PDCL3: variants seen among roughly 807,000 people sequenced by gnomAD.
PDCL3 encodes the protein phosducin-like protein 3.
PDCL3 carries 22 observed loss-of-function variants against 26.5 expected under a neutral mutation model. That is an observed-to-expected ratio of 0.83 (90% CI 0.59 to 1.19). The LOEUF is 1.19. Among genes scored for constraint, PDCL3 ranks in the 50% most tolerant of loss-of-function variants. The pLI, the probability that PDCL3 is intolerant of heterozygous loss-of-function variation, is 0.00. For synonymous variants in PDCL3, 81 were observed against 104.9 expected (o/e 0.77, Z 1.39); for missense variants, 246 against 294.1 (o/e 0.84, Z 1.20).
intron 1 of PDCL3, 94 bp downstream of exon 1, chr2:100,563,167 C>G: frequency 6.8e-7 from 1 of 1,468,152 alleles, no homozygotes; most frequent in African/African-American, 1.5e-5. Context: ...CTGGGGGAAG[C>G]TCCGGCGCCG....
rs527537007 is a variant in PDCL3, at chr2:100,571,050, C to T, written c.369-540C>T. ...ATCCCAGCACTTTGGGAAGCCATTG[C>T]GGCCGGATCTCGAGCTCAAGAGTTC... On this transcript the variant is annotated intron_variant, in intron 4 of 5. Coordinates refer to ENST00000264254, the MANE Select transcript of PDCL3 (RefSeq NM_024065.5). 1.3e-4 allele frequency among the ~76,000 whole-genome samples: 18 copies of T among 143,982 alleles called. No homozygotes were observed. The South Asian group carries it at 3.1e-3, about 25-fold the overall frequency. The allele number at this position is 143,982 out of a possible 152,430, so 94.5% of individuals were successfully genotyped here. A position where few individuals can be genotyped will look rare whatever the true frequency, so the allele number is the denominator to read the frequency against.
At chr2:100,566,827 G>A (rs1675070449) in intron 2 of PDCL3, among the ~76,000 whole-genome samples, 198 bp downstream of exon 2, 1 of 152,192 alleles carries the variant, frequency 6.6e-6, no homozygotes, top group Non-Finnish European at 1.5e-5. Context: ...TGTCCCACAA[G>A]TCCTTGTCCA....
chr2:100,564,460 G>C (rs1280507874), intron 1 of PDCL3, among the ~76,000 whole-genome samples: 3 of 151,934 alleles, frequency 2.0e-5, no homozygotes, highest in African/African-American at 7.2e-5. Context: ...CCACTCCCGG[G>C]TAATTTTTTG....
chr2:100,575,707 G>A (rs1300344279), intron 5 of PDCL3, among the ~76,000 whole-genome samples: 2 of 152,150 alleles, frequency 1.3e-5, no homozygotes, highest in African/African-American at 4.8e-5. Flanking sequence ...GAACAAATGT[G>A]TAAGTTCTAG....
intron 4 of PDCL3, among the ~76,000 whole-genome samples, chr2:100,571,114 C>CAAAAAAAAAAA (rs59012685): frequency 4.5e-4 from 49 of 109,078 alleles, no homozygotes; most frequent in African/African-American, 1.6e-3. Context: ...CCTGTCTTTA[C>CAAAAAAAAAAA]AAAAAAAAAA....
At chr2:100,573,543 C>T (rs938147489) in intron 5 of PDCL3, among the ~76,000 whole-genome samples, 1 of 151,526 alleles carries the variant, frequency 6.6e-6, no homozygotes, top group African/African-American at 2.4e-5. Context: ...GGCGTGGTGG[C>T]GGGCACTTAT....
Position 100,568,988 on chromosome 2 carries a change from A to G in PDCL3, c.191A>G (p.Asn64Ser), listed in dbSNP as rs1377933977. ...CTGGAGGATCATGAAGACGAGTTTA[A>G]TGAGGAGGATGAACGTGCTATTGAA... ...EELEDHEDEFNEEDERAIEMY... is the reference protein window; with the variant it reads ...EELEDHEDEFSEEDERAIEMY... The change falls in exon 3 of 6, where the codon AAT (asparagine) becomes AGT (serine). Residue 64 changes from asparagine to serine, a missense_variant. Physicochemically the swap from Asn to Ser is conservative, Grantham distance 46 (BLOSUM62 1). Transcript: ENST00000264254. The G allele has an allele frequency of 6.2e-7, 1 of 1,613,972 alleles. No homozygotes were observed. The highest frequency in any genetic ancestry group is 8.5e-7 in the Non-Finnish European group (1 of 1,179,986).
intron 5 of PDCL3, among the ~76,000 whole-genome samples, chr2:100,574,344 G>GTT (rs141605070): frequency 4.8e-4 from 65 of 134,584 alleles, no homozygotes; most frequent in Non-Finnish European, 5.4e-4. Context: ...CTGAAGTCTT[G>GTT]TTTTTTTTTT....
intron 5 of PDCL3, among the ~76,000 whole-genome samples, chr2:100,573,026 A>G (rs1481973181): frequency 6.6e-6 from 1 of 151,244 alleles, no homozygotes; most frequent in Admixed American, 6.6e-5. Context: ...CTGGGATTAC[A>G]GGCGCCCACC....
intron 5 of PDCL3, among the ~76,000 whole-genome samples, chr2:100,574,430 T>A (rs950766720): frequency 9.2e-5 from 14 of 152,126 alleles, no homozygotes; most frequent in Non-Finnish European, 2.1e-4. Context: ...GTTACTCATC[T>A]TCGTGGAACA....
chr2:100,575,260 C>T (rs867336663), intron 5 of PDCL3, among the ~76,000 whole-genome samples: 6 of 152,260 alleles, frequency 3.9e-5, no homozygotes, highest in African/African-American at 1.4e-4. Flanking sequence ...CTCAGCCTCC[C>T]GAGTAGCTGG....
chr2:100,575,396 A>C (rs563820775), intron 5 of PDCL3, among the ~76,000 whole-genome samples: 227 of 152,266 alleles, frequency 1.5e-3, no homozygotes, highest in Non-Finnish European at 2.5e-3. Flanking sequence ...TGGCCTCCCA[A>C]AGTGCTGGGA....
intron 2 of PDCL3, among the ~76,000 whole-genome samples, chr2:100,568,634 C>A (rs536287697): frequency 1.3e-5 from 2 of 151,668 alleles, no homozygotes; most frequent in East Asian, 3.9e-4. Flanking sequence ...ACTCTGTCTC[C>A]AAAAAAAGGA....
chr2:100,571,279 C>A (rs1203767484), intron 4 of PDCL3, among the ~76,000 whole-genome samples: 1 of 151,816 alleles, frequency 6.6e-6, no homozygotes, highest in Non-Finnish European at 1.5e-5. Context: ...GAACTCCTGA[C>A]CTCATGATCT....
At chr2:100,572,922 T>C (rs1412986010) in intron 5 of PDCL3, among the ~76,000 whole-genome samples, 4 of 152,098 alleles carry the variant, frequency 2.6e-5, no homozygotes, top group Non-Finnish European at 5.9e-5. Context: ...TTTTGCTCTT[T>C]CGCTCAGGCT....
In PDCL3 at chr2:100,563,089, T is replaced by C; in HGVS notation, c.6+16T>C. On this transcript the variant is annotated intron_variant, in intron 1 of 5. Coordinates refer to ENST00000264254, the MANE Select transcript of PDCL3 (RefSeq NM_024065.5). ...CAAGATGCAGGTGAGCTAGGACGGGTCTCGGGTCTGGGGGCTGCGGCCCGT... is the reference window on the plus strand; with the variant it reads ...CAAGATGCAGGTGAGCTAGGACGGGCCTCGGGTCTGGGGGCTGCGGCCCGT... The C allele has an allele frequency of 1.2e-6, 2 of 1,601,694 alleles. No individual in the cohort carries two copies. Among genetic ancestry groups the C allele is most frequent in the Non-Finnish European group, 8.5e-7 (1 of 1,174,818 alleles).
chr2:100,573,578 G>A (rs1243419128), intron 5 of PDCL3, among the ~76,000 whole-genome samples: 1 of 151,542 alleles, frequency 6.6e-6, no homozygotes, highest in Admixed American at 6.6e-5. Context: ...GGAGGCTGAG[G>A]CAGGAGAATC....
intron 3 of PDCL3, 72 bp from the exon 4 acceptor site, chr2:100,569,506 G>C: frequency 6.6e-7 from 1 of 1,517,336 alleles, no homozygotes; most frequent in Non-Finnish European, 8.8e-7. Flanking sequence ...GCTTTTACAA[G>C]GATTGCCTTC....
Position 100,576,573 on chromosome 2 carries a change from T to G in PDCL3, c.*77T>G, listed in dbSNP as rs1391785329. 7.3e-7 allele frequency: 1 copy of G among 1,369,632 alleles called. No homozygotes were observed. Among genetic ancestry groups the G allele is most frequent in the Non-Finnish European group, 9.6e-7 (1 of 1,046,690 alleles). 84.8% of individuals were successfully genotyped at this position (1,369,632 alleles called of 1,614,324 possible). A position where few individuals can be genotyped will look rare whatever the true frequency, so the allele number is the denominator to read the frequency against. On this transcript the variant is annotated 3_prime_UTR_variant, in exon 6 of 6. Coordinates refer to ENST00000264254, the MANE Select transcript of PDCL3 (RefSeq NM_024065.5). The stretch of plus-strand genomic sequence containing the variant: ...TTTTTAAAAAAGGAAAAAGCAAGAA[T>G]GAATCCTTGTGGTTTTTAGTTTTGT...
Sources: allele counts gnomAD v4.1 joint callset (sites outside exome capture counted in the v4.1 genomes callset), GRCh38; gene constraint gnomAD v4.1.1; transcripts MANE v1.5; gene names NCBI Gene and HGNC (gene_info 2026-07-23, HGNC 2026-07-21).